Variants in ATL2 observed in about 807,000 individuals in gnomAD.
ATL2 encodes the protein atlastin-2.
A neutral mutation model predicts 73.9 loss-of-function variants in ATL2; 31 were observed. That is an observed-to-expected ratio of 0.42 (90% confidence interval 0.32 to 0.57). The LOEUF is 0.57. ATL2 is among the 20% of genes least tolerant of loss of function. The probability of loss-of-function intolerance (pLI) is 0.14; values close to 1 mark genes in which losing one functional copy is unlikely to be tolerated. For synonymous variants in ATL2, 291 were observed against 237.5 expected, an observed-to-expected ratio of 1.23 and a Z score of -2.07; for missense variants, 738 against 702.6, an observed-to-expected ratio of 1.05 and a Z score of -0.57.
intron 1 of ATL2, among the ~76,000 whole-genome samples, chr2:38,370,672 C>T (rs1363641044): frequency 6.6e-6 from 1 of 151,828 alleles, no homozygotes; most frequent in Non-Finnish European, 1.5e-5. Flanking sequence ...GAGGCTGGGG[C>T]AGAAGAATCT....
intron 2 of ATL2, among the ~76,000 whole-genome samples, chr2:38,331,382 G>C (rs914073258): frequency 3.3e-5 from 5 of 149,512 alleles, no homozygotes; most frequent in Non-Finnish European, 7.4e-5. Context: ...GTTGCAGTGA[G>C]CTGAGATTGA....
intron 1 of ATL2, 35 bp downstream of exon 1, chr2:38,377,108 C>A: frequency 6.3e-7 from 1 of 1,594,778 alleles, no homozygotes; most frequent in Non-Finnish European, 8.6e-7. Context: ...CTCTCCCCAT[C>A]AGGGCCCCGC....
chr2:38,343,164 A>G lies in ATL2; in HGVS notation c.363+104T>C. ...CCACTTAAATTAAAAAAAAAAAAAAAAAAAAAAAAAAAAAGATATAGTTCT... is the reference window on the plus strand; with the variant it reads ...CCACTTAAATTAAAAAAAAAAAAAAGAAAAAAAAAAAAAAGATATAGTTCT... On this transcript the variant is annotated intron_variant, in intron 2 of 12. Transcript: ENST00000378954. The G allele has an allele frequency of 3.9e-6, 3 of 776,818 alleles. No individual in the cohort carries two copies. In the Admixed American group the frequency reaches 1.3e-4, roughly 33 times the overall value. The allele number at this position is 776,818 out of a possible 1,614,324, so 48.1% of individuals were successfully genotyped here. A position where few individuals can be genotyped will look rare whatever the true frequency, so the allele number is the denominator to read the frequency against.
rs368464285 is a variant in ATL2, at chr2:38,373,830, TATA to T, written c.118+3310_118+3312del. The stretch of plus-strand genomic sequence containing the variant: ...CTTTACTAATTGTTCTACTTCTTTC[TATA>T]ATATCTACCAAGTATTATCCTATTG... On this transcript the variant is annotated intron_variant, in intron 1 of 12. Transcript: ENST00000378954. Among the ~76,000 whole-genome samples the T allele has an allele frequency of 1.8e-3, 273 of 152,354 alleles. 3 individuals carry two copies. Among genetic ancestry groups the T allele is most frequent in the African/African-American group, 6.2e-3 (259 of 41,588 alleles).
At chr2:38,372,052 T>C (rs930683660) in intron 1 of ATL2, among the ~76,000 whole-genome samples, 2 of 151,986 alleles carry the variant, frequency 1.3e-5, no homozygotes, top group African/African-American at 2.4e-5. Context: ...ATGACTCTAT[T>C]CTAAAGGATT....
intron 1 of ATL2, among the ~76,000 whole-genome samples, chr2:38,368,447 T>G (rs1396146958): frequency 2.0e-5 from 3 of 151,984 alleles, no homozygotes; most frequent in Admixed American, 1.3e-4. Flanking sequence ...AGGCGGGGTT[T>G]CTCCATGTTG....
At chr2:38,367,966 G>A (rs13003834) in intron 1 of ATL2, among the ~76,000 whole-genome samples, 10 of 133,954 alleles carry the variant, frequency 7.5e-5, no homozygotes, top group South Asian at 2.4e-4. Context: ...GAGGAGTCTC[G>A]CTCTCTCTCC....
intron 2 of ATL2, among the ~76,000 whole-genome samples, chr2:38,331,901 AAT>A (rs1455708534): frequency 1.3e-5 from 2 of 152,154 alleles, no homozygotes; most frequent in African/African-American, 2.4e-5. Flanking sequence ...CATTATTCCT[AAT>A]AGTCATAAAA....
At chr2:38,357,926 C>T (rs1670772720) in intron 1 of ATL2, among the ~76,000 whole-genome samples, 2 of 152,236 alleles carry the variant, frequency 1.3e-5, no homozygotes, top group South Asian at 4.1e-4. Context: ...TACAATTAAA[C>T]CACTGTTTGG....
intron 2 of ATL2, among the ~76,000 whole-genome samples, chr2:38,333,214 A>C (rs1669104114): frequency 6.6e-6 from 1 of 152,072 alleles, no homozygotes; most frequent in Non-Finnish European, 1.5e-5. Flanking sequence ...ACCTGAGCCC[A>C]GGAGTTTGAG....
At chr2:38,368,410 G>A (rs1169244151) in intron 1 of ATL2, among the ~76,000 whole-genome samples, 2 of 151,918 alleles carry the variant, frequency 1.3e-5, no homozygotes, top group East Asian at 1.9e-4. Context: ...GTGCCACCAC[G>A]CCCGGCTAAT....
chr2:38,311,057 C>T (rs1295788418), intron 7 of ATL2, among the ~76,000 whole-genome samples: 1 of 151,820 alleles, frequency 6.6e-6, no homozygotes, highest in African/African-American at 2.4e-5. Context: ...GTGACTTATA[C>T]ACCAGTAAAT....
intron 3 of ATL2, 32 bp from the exon 4 acceptor site, chr2:38,318,671 A>T: frequency 1.3e-6 from 2 of 1,518,236 alleles, no homozygotes; most frequent in Non-Finnish European, 1.8e-6. Context: ...ATATTTAGTA[A>T]AACAGTTGCC....
intron 2 of ATL2, among the ~76,000 whole-genome samples, chr2:38,341,698 C>A (rs530578581): frequency 6.6e-6 from 1 of 152,236 alleles, no homozygotes; most frequent in African/African-American, 2.4e-5. Flanking sequence ...TTCTCAATGT[C>A]CCAAACATGT....
chr2:38,343,425 T>A lies in ATL2; in HGVS notation c.206A>T (p.Asp69Val). 6.2e-7 allele frequency: 1 copy of A among 1,613,432 alleles called. No individual in the cohort carries two copies. The highest frequency in any genetic ancestry group is 8.5e-7 in the Non-Finnish European group (1 of 1,179,844). Residue 69 changes from aspartate (D) to valine (V), a missense_variant, in exon 2 of 13, where the codon GAT becomes GTT. Coordinates refer to ENST00000378954, the MANE Select transcript of ATL2 (RefSeq NM_001135673.4). ...CPVQIVLAHE[D>V]DHNFELDEEA... Reference sequence around the variant, plus strand: ...TTCATCAAGTTCAAAGTTATGGTCATCTTCATGAGCAAGAACAATCTGTAC... The same window carrying A: ...TTCATCAAGTTCAAAGTTATGGTCAACTTCATGAGCAAGAACAATCTGTAC...
intron 2 of ATL2, among the ~76,000 whole-genome samples, chr2:38,320,324 TA>T (rs1198124043): frequency 1.6e-4 from 24 of 152,184 alleles, no homozygotes; most frequent in African/African-American, 5.6e-4. Context: ...CCTTATCTAT[TA>T]GATACTCAAG....
intron 12 of ATL2, chr2:38,296,610 G>A (rs2148396285): frequency 6.2e-7 from 1 of 1,612,578 alleles, no homozygotes; most frequent in East Asian, 2.2e-5. Context: ...GAAGTGATTT[G>A]TTAGGAGAAT....
At chr2:38,300,237 A>G (rs1386429023) in intron 10 of ATL2, 35 bp downstream of exon 10, 1 of 1,508,100 alleles carries the variant, frequency 6.6e-7, no homozygotes. Context: ...ATAAATAAGT[A>G]TATGTACAAC....
intron 1 of ATL2, among the ~76,000 whole-genome samples, chr2:38,362,942 GA>G (rs2124473368): frequency 6.6e-6 from 1 of 152,314 alleles, no homozygotes; most frequent in Admixed American, 6.5e-5. Flanking sequence ...AGGAAAAGAG[GA>G]AAACATTATT....
Sources: allele counts gnomAD v4.1 joint callset (sites outside exome capture counted in the v4.1 genomes callset), GRCh38; gene constraint gnomAD v4.1.1; transcripts MANE v1.5; gene names NCBI Gene and HGNC (gene_info 2026-07-23, HGNC 2026-07-21).